ARHGEF4: variants seen among roughly 807,000 people sequenced by gnomAD.
ARHGEF4 encodes APC-stimulated guanine nucleotide exchange factor 1.
In ARHGEF4, 119 loss-of-function variants were observed where a neutral mutation model predicts 162.0. That is an observed-to-expected ratio of 0.73 (90% CI 0.63 to 0.86). The LOEUF (loss-of-function observed/expected upper bound fraction) is 0.86. ARHGEF4 is among the 40% of genes least tolerant of loss of function. ARHGEF4 has a pLI of 0.00. For synonymous variants in ARHGEF4, 1,014 were observed against 979.9 expected, an observed-to-expected ratio of 1.03 and a Z score of -0.65; for missense variants, 2,488 against 2,456.0, an observed-to-expected ratio of 1.01 and a Z score of -0.28.
chr2:131,038,640 G>A (rs933041487), intron 5 of ARHGEF4, among the ~76,000 whole-genome samples: 2 of 152,234 alleles, frequency 1.3e-5, no homozygotes, highest in Admixed American at 6.5e-5. Flanking sequence ...GTTCACTTCC[G>A]GCTCCATCAC....
chr2:130,852,289 G>T (rs1237502104), intron 1 of ARHGEF4, among the ~76,000 whole-genome samples: 2 of 152,204 alleles, frequency 1.3e-5, no homozygotes, highest in Non-Finnish European at 2.9e-5. Context: ...CTGGTGTGGG[G>T]AGCCCAGGAA....
intron 12 of ARHGEF4, 64 bp downstream of exon 12, chr2:131,044,606 C>T: frequency 6.6e-7 from 1 of 1,514,910 alleles, no homozygotes; most frequent in Non-Finnish European, 8.9e-7. Context: ...GCCTGCCTGG[C>T]CGCCTGCCGG....
chr2:130,938,334 T>C (rs1683087692), intron 3 of ARHGEF4, among the ~76,000 whole-genome samples: 2 of 152,250 alleles, frequency 1.3e-5, no homozygotes, highest in South Asian at 2.1e-4. Context: ...TCAGCATTTG[T>C]TTTTTTGCTA....
chr2:130,954,538 T>TA (rs1684151837), intron 4 of ARHGEF4, among the ~76,000 whole-genome samples: 1 of 152,220 alleles, frequency 6.6e-6, no homozygotes, highest in Admixed American at 6.5e-5. Flanking sequence ...CCTTAGAACT[T>TA]AAAGTATAAT....
Position 131,041,903 on chromosome 2 carries a change from G to A in ARHGEF4, c.4984G>A (p.Asp1662Asn). Residue 1662 changes from aspartate (D) to asparagine (N), a missense_variant, in exon 10 of 14, where the codon GAC (aspartate) becomes AAC (asparagine). Physicochemically the swap from Asp to Asn is conservative, Grantham distance 23 (BLOSUM62 1). Around this residue, in one of 6 missense-constraint regions of ARHGEF4, gnomAD observed 415 missense variants for 512.4 expected, o/e 0.81. Transcript: ENST00000409359. ...GCGGAAGCGGAGACTTGAGAACATC[G>A]ACAAGATTGCTCAGTGGCAGAGCTC... is the stretch of plus-strand genomic sequence containing the variant. ...NERKRRLENI[D>N]KIAQWQSSIE... 1.2e-6 allele frequency: 2 copies of A among 1,613,644 alleles called. No homozygotes were observed. The highest frequency in any genetic ancestry group is 1.1e-5 in the South Asian group (1 of 91,080).
intron 4 of ARHGEF4, among the ~76,000 whole-genome samples, chr2:130,960,081 A>C (rs1044117054): frequency 6.6e-6 from 1 of 152,214 alleles, no homozygotes; most frequent in African/African-American, 2.4e-5. Flanking sequence ...ATATACAGTC[A>C]TGTGCCATAT....
intron 5 of ARHGEF4, among the ~76,000 whole-genome samples, chr2:131,033,340 C>T (rs1297050811): frequency 6.6e-6 from 1 of 152,214 alleles, no homozygotes; most frequent in African/African-American, 2.4e-5. Context: ...CCCCAGGCTG[C>T]CCTGCTGTGC....
At chr2:130,957,380 ATATAT>A (rs767876105) in intron 4 of ARHGEF4, among the ~76,000 whole-genome samples, 7 of 152,198 alleles carry the variant, frequency 4.6e-5, no homozygotes, top group African/African-American at 1.2e-4. Context: ...TCAAAAGATC[ATATAT>A]TATATGATTA....
intron 1 of ARHGEF4, among the ~76,000 whole-genome samples, chr2:130,883,905 A>G (rs1679348495): frequency 6.6e-6 from 1 of 152,158 alleles, no homozygotes; most frequent in Admixed American, 6.5e-5. Flanking sequence ...TCTATAAAAT[A>G]TGGAATAATA....
At chr2:131,026,985 T>C (rs78415630) in intron 4 of ARHGEF4, among the ~76,000 whole-genome samples, 1 of 152,352 alleles carries the variant, frequency 6.6e-6, no homozygotes, top group South Asian at 2.1e-4. Context: ...ATTTGTGGTA[T>C]TGATTTCATA....
In ARHGEF4 at chr2:130,864,374, C is replaced by T. The variant is rs183706286; in HGVS notation, c.39+27382C>T. Among the ~76,000 whole-genome samples, 10 of 152,206 alleles carry T rather than the reference C, an allele frequency of 6.6e-5. No homozygotes were observed. The East Asian group carries it at 1.9e-3, about 29-fold the overall frequency. On this transcript the variant is annotated intron_variant, in intron 1 of 13. Transcript: ENST00000409359. ...AGATAGAAAGTCAATTAGTAGTTGCCTGGGGCTGGAGTGAGGGGTGAAGTG... is the reference window on the plus strand; with the variant it reads ...AGATAGAAAGTCAATTAGTAGTTGCTTGGGGCTGGAGTGAGGGGTGAAGTG...
chr2:131,031,567 T>C (rs1378767866), intron 5 of ARHGEF4, among the ~76,000 whole-genome samples: 2 of 152,234 alleles, frequency 1.3e-5, no homozygotes, highest in East Asian at 1.9e-4. Flanking sequence ...TTGTCCCATA[T>C]GGGCCTGAGG....
chr2:130,923,671 A>G (rs1682037353), intron 2 of ARHGEF4, among the ~76,000 whole-genome samples: 1 of 152,168 alleles, frequency 6.6e-6, no homozygotes, highest in South Asian at 2.1e-4. Flanking sequence ...ATAAAAGGAA[A>G]TGAGAAAGAG....
intron 5 of ARHGEF4, chr2:131,035,559 C>A: frequency 1.5e-6 from 1 of 674,658 alleles, no homozygotes. Flanking sequence ...TCAGCTGGGG[C>A]TCCCCGGCTG....
chr2:131,030,462 C>T (rs1305531261), intron 5 of ARHGEF4, among the ~76,000 whole-genome samples: 3 of 152,290 alleles, frequency 2.0e-5, no homozygotes, highest in African/African-American at 4.8e-5. Context: ...GCTGAGCAGA[C>T]GGAGTGTTGC....
At chr2:130,994,123 T>C (rs1027425925) in intron 4 of ARHGEF4, among the ~76,000 whole-genome samples, 3 of 152,228 alleles carry the variant, frequency 2.0e-5, no homozygotes, top group Non-Finnish European at 2.9e-5. Context: ...ATATGTCTCA[T>C]AAACAGCAAG....
At chr2:130,866,816 G>A (rs1682310221) in intron 1 of ARHGEF4, among the ~76,000 whole-genome samples, 1 of 152,200 alleles carries the variant, frequency 6.6e-6, no homozygotes, top group Non-Finnish European at 1.5e-5. Flanking sequence ...GTTTATGAGA[G>A]CAGTTGGTGT....
Position 130,931,221 on chromosome 2 carries a change from G to T in ARHGEF4, c.3822G>T (p.Arg1274Ser), listed in dbSNP as rs1682613016. 1.2e-6 allele frequency: 2 copies of T among 1,613,202 alleles called. No individual in the cohort carries two copies. The highest frequency in any genetic ancestry group is 2.7e-5 in the African/African-American group (2 of 74,926). Reference sequence around the variant, plus strand: ...AGAAGCAGGCCCACGTCGAAAGGAGGCTGCACATAGGGGCAGTGCACAAAG... The same window carrying T: ...AGAAGCAGGCCCACGTCGAAAGGAGTCTGCACATAGGGGCAGTGCACAAAG... ...KLQKQAHVERRLHIGAVHKDG... is the reference protein window; with the variant it reads ...KLQKQAHVERSLHIGAVHKDG... Residue 1274 changes from arginine to serine, a missense_variant, in exon 3 of 14, where the codon AGG becomes AGT. Physicochemically the swap from Arg to Ser is moderately radical, Grantham distance 110. Around this residue, in one of 6 missense-constraint regions of ARHGEF4, gnomAD observed 1,642 missense variants for 1,481.5 expected, o/e 1.11. Transcript: ENST00000409359.
chr2:130,915,781 G>A lies in ARHGEF4; in HGVS notation c.1835G>A (p.Gly612Glu), dbSNP rs750423188. Residue 612 changes from glycine to glutamate, a missense_variant, in exon 2 of 14, where the codon GGG becomes GAG. Gly to Glu is a moderately conservative substitution (Grantham distance 98, BLOSUM62 -2). This residue lies in a region of ARHGEF4 where 1,642 missense variants were observed against 1,481.5 expected (regional missense o/e 1.11). Coordinates refer to ENST00000409359, the MANE Select transcript of ARHGEF4 (RefSeq NM_001367493.1). Reference protein sequence around the residue: ...EEGEQGPGGAGGRQLEPKAGG... With the variant: ...EEGEQGPGGAEGRQLEPKAGG... ...GGTGAACAGGGGCCTGGGGGTGCCG[G>A]GGGCCGGCAGCTGGAGCCCAAAGCA... 1.1e-5 allele frequency: 17 copies of A among 1,525,928 alleles called. No homozygotes were observed. The highest frequency in any genetic ancestry group is 1.5e-5 in the Non-Finnish European group (17 of 1,135,316). 94.5% of individuals were successfully genotyped at this position (1,525,928 alleles called of 1,614,324 possible).
Sources: allele counts gnomAD v4.1 joint callset (sites outside exome capture counted in the v4.1 genomes callset), GRCh38; gene constraint gnomAD v4.1.1; regional missense constraint gnomAD v4.1.1; transcripts MANE v1.5; gene names NCBI Gene and HGNC (gene_info 2026-07-23, HGNC 2026-07-21).